Variants in DOCK3 observed in about 807,000 individuals in gnomAD.
DOCK3 encodes the protein dedicator of cytokinesis 3, also known as dedicator of cytokinesis protein 3.
In DOCK3, 60 loss-of-function variants were observed where a neutral mutation model predicts 265.6. That is an observed-to-expected ratio of 0.23 (90% CI 0.18 to 0.28). DOCK3 has a LOEUF of 0.28. Among genes scored for constraint, DOCK3 ranks in the 10% least tolerant of loss-of-function variants. The pLI is 1.00. For missense variants in DOCK3, 1,981 were observed against 2,594.3 expected, an observed-to-expected ratio of 0.76 and a Z score of 5.14; for synonymous variants, 881 against 938.0, an observed-to-expected ratio of 0.94 and a Z score of 1.11.
At chr3:50,930,844 G>A (rs1360617993) in intron 4 of DOCK3, among the ~76,000 whole-genome samples, 4 of 152,184 alleles carry the variant, frequency 2.6e-5, no homozygotes, top group Admixed American at 6.5e-5. Context: ...CATGGCGACC[G>A]TACCTCTGGC....
intron 1 of DOCK3, among the ~76,000 whole-genome samples, chr3:50,741,743 G>A (rs1349018436): frequency 2.4e-4 from 37 of 151,916 alleles, no homozygotes; most frequent in African/African-American, 5.6e-4. Context: ...ATACGTGTGC[G>A]TGTGTCTTTA....
At position 51,382,582 on chromosome 3, in the gene DOCK3, G is replaced by GCTTC. The variant is rs1473779078; in HGVS notation, c.*1025_*1028dup. On this transcript the variant is annotated 3_prime_UTR_variant, in exon 53 of 53. Coordinates refer to ENST00000266037, the MANE Select transcript of DOCK3 (RefSeq NM_004947.5). ...GCCATGGGGTTGGCTGCCCAGCCAG[G>GCTTC]CTTCCAGGCCCTGAGGACATGTGGT... is the stretch of plus-strand genomic sequence containing the variant. The GCTTC allele has an allele frequency of 2.0e-5, 3 of 152,674 alleles. No individual in the cohort carries two copies. The highest frequency in any genetic ancestry group is 4.4e-5 in the Non-Finnish European group (3 of 68,080). 9.5% of individuals were successfully genotyped at this position (152,674 alleles called of 1,614,324 possible).
intron 1 of DOCK3, among the ~76,000 whole-genome samples, chr3:50,676,374 G>A (rs957242378): frequency 3.3e-5 from 5 of 152,182 alleles, no homozygotes. Flanking sequence ...TTCTATTCTG[G>A]TAGAAGATCT....
intron 5 of DOCK3, among the ~76,000 whole-genome samples, chr3:51,023,677 A>G (rs998551032): frequency 6.6e-6 from 1 of 152,076 alleles, no homozygotes; most frequent in Non-Finnish European, 1.5e-5. Flanking sequence ...TGGCCTCCCA[A>G]AGTGCTGGGA....
intron 9 of DOCK3, among the ~76,000 whole-genome samples, chr3:51,115,513 T>A (rs2083697002): frequency 6.6e-6 from 1 of 152,218 alleles, no homozygotes; most frequent in Non-Finnish European, 1.5e-5. Context: ...CTTGTACATT[T>A]GTTTAAGTTC....
At chr3:50,756,727 G>A (rs940167100) in intron 1 of DOCK3, among the ~76,000 whole-genome samples, 2 of 152,066 alleles carry the variant, frequency 1.3e-5, no homozygotes, top group Non-Finnish European at 2.9e-5. Flanking sequence ...TTTGATTCTA[G>A]CACATGCAGA....
At chr3:51,091,799 G>A (rs553186349) in intron 9 of DOCK3, among the ~76,000 whole-genome samples, 15 of 152,096 alleles carry the variant, frequency 9.9e-5, no homozygotes, top group Middle Eastern at 3.4e-3. Context: ...CATTTCAGCC[G>A]AGGTACCCGG....
chr3:51,071,149 TA>T (rs769541238), intron 6 of DOCK3, among the ~76,000 whole-genome samples: 2 of 152,074 alleles, frequency 1.3e-5, no homozygotes, highest in Non-Finnish European at 2.9e-5. Context: ...ATAGAGCATT[TA>T]AAAGAAATAG....
At chr3:50,812,236 GAAGGT>G (rs1159662446) in intron 2 of DOCK3, among the ~76,000 whole-genome samples, 1 of 152,214 alleles carries the variant, frequency 6.6e-6, no homozygotes, top group African/African-American at 2.4e-5. Flanking sequence ...GCTAGTCTGT[GAAGGT>G]GGCTAAGATA....
chr3:51,248,803 GCCGC>G (rs1230523032), intron 22 of DOCK3, among the ~76,000 whole-genome samples: 3 of 149,216 alleles, frequency 2.0e-5, no homozygotes, highest in Non-Finnish European at 3.0e-5. Context: ...TCTTTGCCCG[GCCGC>G]CCATCGTCTG....
At chr3:51,216,045 T>C (rs1171668887) in intron 14 of DOCK3, among the ~76,000 whole-genome samples, 1 of 152,070 alleles carries the variant, frequency 6.6e-6, no homozygotes, top group African/African-American at 2.4e-5. Flanking sequence ...GACCTGGTGA[T>C]CTTTTAAAAA....
chr3:50,687,114 G>A (rs532287241), intron 1 of DOCK3, among the ~76,000 whole-genome samples: 1 of 151,822 alleles, frequency 6.6e-6, no homozygotes, highest in African/African-American at 2.4e-5. Context: ...GGAGGCTGAG[G>A]CTGAGGCAAG....
intron 12 of DOCK3, among the ~76,000 whole-genome samples, chr3:51,205,719 T>TAGAA (rs1390803934): frequency 2.0e-5 from 3 of 152,070 alleles, no homozygotes; most frequent in Non-Finnish European, 2.9e-5. Context: ...AATAGATAGA[T>TAGAA]AGAAAGAAAG....
Position 50,718,937 on chromosome 3 carries a change from C to G in DOCK3, c.37+43637C>G, listed in dbSNP as rs1430786045. ...TAGCTGGGACTACAGGCGCCTGCCACCATGCCCGGCTAATTTTTTGTATTT... is the reference window on the plus strand; with the variant it reads ...TAGCTGGGACTACAGGCGCCTGCCAGCATGCCCGGCTAATTTTTTGTATTT... On this transcript the variant is annotated intron_variant, in intron 1 of 52. Coordinates refer to ENST00000266037, the MANE Select transcript of DOCK3 (RefSeq NM_004947.5). Among the ~76,000 whole-genome samples, 3 of 152,098 alleles carry G rather than the reference C, an allele frequency of 2.0e-5. No individual in the cohort carries two copies. In the East Asian group the frequency reaches 5.8e-4, roughly 29 times the overall value.
chr3:51,290,279 C>A (rs1576670395), intron 27 of DOCK3, among the ~76,000 whole-genome samples: 5 of 152,258 alleles, frequency 3.3e-5, no homozygotes, highest in Admixed American at 3.3e-4. Flanking sequence ...AGACTTGGAA[C>A]CAACGCAGAT....
chr3:51,001,664 A>G (rs1253201862), intron 5 of DOCK3, among the ~76,000 whole-genome samples: 1 of 152,160 alleles, frequency 6.6e-6, no homozygotes, highest in African/African-American at 2.4e-5. Context: ...TCTTGGGTGA[A>G]TAGGAGTGGA....
chr3:51,215,982 A>G (rs79533812), intron 14 of DOCK3, among the ~76,000 whole-genome samples: 1 of 117,260 alleles, frequency 8.5e-6, no homozygotes, highest in African/African-American at 3.4e-5. Flanking sequence ...CTTGACTATG[A>G]AAAAAAAAAA....
chr3:51,336,002 A>AAAAAG (rs1208144201), intron 35 of DOCK3, among the ~76,000 whole-genome samples: 2 of 151,918 alleles, frequency 1.3e-5, no homozygotes, highest in East Asian at 3.8e-4. Context: ...AAAAAAAAAA[A>AAAAAG]AAAAGAAAAG....
intron 5 of DOCK3, among the ~76,000 whole-genome samples, chr3:50,993,843 A>T (rs1298849931): frequency 6.6e-6 from 1 of 152,130 alleles, no homozygotes; most frequent in Non-Finnish European, 1.5e-5. Flanking sequence ...ATGACTTCCT[A>T]TGATATTCAG....
Sources: gnomAD v4.1 joint callset for allele counts (sites outside exome capture counted in the v4.1 genomes callset) on GRCh38, gnomAD v4.1.1 for gene constraint, MANE v1.5 for transcripts, NCBI Gene and HGNC (gene_info 2026-07-23, HGNC 2026-07-21) for gene names.